The following RBMS3 variants were observed in gnomAD, a reference collection of about 807,000 sequenced individuals.
RBMS3 encodes the protein RNA binding motif single stranded interacting protein 3, also known as RNA-binding motif, single-stranded-interacting protein 3.
Under a neutral mutation model 66.8 loss-of-function variants are expected in RBMS3, and 27 were observed. The observed-to-expected ratio is 0.40, with a 90% CI of 0.30 to 0.56. The LOEUF (loss-of-function observed/expected upper bound fraction) is 0.56. Ranked by LOEUF, RBMS3 falls within the 20% of genes least tolerant of loss-of-function variation. The pLI is 0.40. For missense variants in RBMS3, 513 were observed against 549.5 expected, an observed-to-expected ratio of 0.93 and a Z score of 0.66; for synonymous variants, 188 against 183.0, an observed-to-expected ratio of 1.03 and a Z score of -0.22.
Position 30,002,423 on chromosome 3 carries a change from C to A in RBMS3, c.1308-1433C>A, listed in dbSNP as rs546462053. Among the ~76,000 whole-genome samples, 3 of 151,632 alleles carry A rather than the reference C, an allele frequency of 2.0e-5. No individual in the cohort carries two copies. In the South Asian group the frequency reaches 6.2e-4, roughly 31 times the overall value. ...CACACATACACACACAACTATATAA[C>A]CAAGAAAAAAAATTGTTCCCTTAGT... On this transcript the variant is annotated intron_variant, in intron 14 of 14. Coordinates refer to ENST00000383767, the MANE Select transcript of RBMS3 (RefSeq NM_001003793.3).
chr3:29,301,983 C>G (rs981910636), intron 1 of RBMS3, among the ~76,000 whole-genome samples: 2 of 151,928 alleles, frequency 1.3e-5, no homozygotes, highest in Non-Finnish European at 2.9e-5. Flanking sequence ...ACATATCCAT[C>G]TCTATCACCA....
At chr3:29,830,152 T>G (rs1356564347) in intron 6 of RBMS3, among the ~76,000 whole-genome samples, 5 of 152,238 alleles carry the variant, frequency 3.3e-5, no homozygotes, top group East Asian at 1.9e-4. Flanking sequence ...CTTTTTTTTT[T>G]GTCCACTTGT....
At chr3:29,974,230 C>T (rs950473700) in intron 12 of RBMS3, among the ~76,000 whole-genome samples, 3 of 151,834 alleles carry the variant, frequency 2.0e-5, no homozygotes, top group Non-Finnish European at 4.4e-5. Context: ...CATTTTATAC[C>T]TTCTTTCTCA....
At chr3:29,616,875 A>G (rs1324038814) in intron 4 of RBMS3, 1 of 152,208 alleles carries the variant, frequency 6.6e-6, no homozygotes, top group Non-Finnish European at 1.5e-5. Context: ...TAGTAAAGCC[A>G]AAAAACCTGG....
At chr3:29,656,929 C>T (rs1576452767) in intron 4 of RBMS3, among the ~76,000 whole-genome samples, 1 of 152,296 alleles carries the variant, frequency 6.6e-6, no homozygotes, top group East Asian at 1.9e-4. Context: ...TATAATGATT[C>T]AGGAAACCAA....
intron 3 of RBMS3, among the ~76,000 whole-genome samples, chr3:29,570,746 T>A (rs1424894373): frequency 6.6e-6 from 1 of 152,304 alleles, no homozygotes; most frequent in East Asian, 1.9e-4. Flanking sequence ...CTGAGGTTGC[T>A]TCCAAATCTT....
intron 3 of RBMS3, among the ~76,000 whole-genome samples, chr3:29,569,697 G>C (rs1044230781): frequency 6.6e-6 from 1 of 152,084 alleles, no homozygotes; most frequent in African/African-American, 2.4e-5. Flanking sequence ...ATGCATGAAA[G>C]TCTTTTTTTA....
intron 1 of RBMS3, among the ~76,000 whole-genome samples, chr3:29,388,358 T>C (rs1182643109): frequency 1.3e-5 from 2 of 152,196 alleles, no homozygotes; most frequent in Admixed American, 1.3e-4. Flanking sequence ...GTCCGTGATA[T>C]ATAGATGCAC....
At chr3:29,781,941 A>G (rs1223184418) in intron 6 of RBMS3, among the ~76,000 whole-genome samples, 4 of 151,918 alleles carry the variant, frequency 2.6e-5, no homozygotes, top group African/African-American at 4.8e-5. Context: ...ACTCCATAAG[A>G]TTGGGAGCCA....
intron 4 of RBMS3, among the ~76,000 whole-genome samples, chr3:29,664,699 A>AT (rs200362939): frequency 0.036 from 5,400 of 151,464 alleles, 207 homozygotes; most frequent in African/African-American, 0.092. Context: ...AAAGTACTTT[A>AT]TTTTTTTTAG....
intron 7 of RBMS3, among the ~76,000 whole-genome samples, chr3:29,872,971 G>T (rs2059527940): frequency 6.6e-6 from 1 of 152,112 alleles, no homozygotes; most frequent in African/African-American, 2.4e-5. Flanking sequence ...TTTTGTAGCA[G>T]CACCATGCTC....
At chr3:29,438,955 G>A (rs75858131) in intron 2 of RBMS3, among the ~76,000 whole-genome samples, 3,235 of 152,262 alleles carry the variant, frequency 0.021, 58 homozygotes, top group Admixed American at 0.047. Context: ...TAGTTAGGGC[G>A]ATTAGCAAAG....
intron 10 of RBMS3, 105 bp downstream of exon 10, chr3:29,899,860 C>G: frequency 9.1e-7 from 1 of 1,094,552 alleles, no homozygotes; most frequent in South Asian, 1.5e-5. Flanking sequence ...ATATGTAACT[C>G]GTTCAGGCAG....
intron 2 of RBMS3, among the ~76,000 whole-genome samples, chr3:29,475,356 C>G (rs549163187): frequency 6.6e-6 from 1 of 151,498 alleles, no homozygotes; most frequent in Non-Finnish European, 1.5e-5. Context: ...TCAAGCAATT[C>G]TCCTGCTTCA....
At chr3:29,880,175 A>G (rs1406006680) in intron 7 of RBMS3, among the ~76,000 whole-genome samples, 1 of 152,188 alleles carries the variant, frequency 6.6e-6, no homozygotes, top group Non-Finnish European at 1.5e-5. Context: ...AAAGTGTCCT[A>G]TTTTGGCTGA....
At chr3:29,946,329 C>A (rs1397883070) in intron 12 of RBMS3, among the ~76,000 whole-genome samples, 1 of 151,606 alleles carries the variant, frequency 6.6e-6, no homozygotes, top group Non-Finnish European at 1.5e-5. Flanking sequence ...TTGGACAAAA[C>A]AAATAACTCT....
At chr3:29,379,592 TACTC>T (rs1254063468) in intron 1 of RBMS3, among the ~76,000 whole-genome samples, 2 of 152,276 alleles carry the variant, frequency 1.3e-5, no homozygotes, top group African/African-American at 4.8e-5. Context: ...TCATGAGACT[TACTC>T]ACTATCATGA....
At chr3:29,596,455 T>G (rs2047945368) in intron 4 of RBMS3, among the ~76,000 whole-genome samples, 1 of 152,206 alleles carries the variant, frequency 6.6e-6, no homozygotes, top group Non-Finnish European at 1.5e-5. Flanking sequence ...AGGAGATTAT[T>G]TCTTGAACAT....
intron 4 of RBMS3, among the ~76,000 whole-genome samples, chr3:29,629,496 T>C (rs1341709246): frequency 6.6e-6 from 1 of 152,156 alleles, no homozygotes; most frequent in East Asian, 1.9e-4. Context: ...ATATGTAATG[T>C]TCTAAGTGGA....
Sources: gnomAD v4.1 joint callset for allele counts (sites outside exome capture counted in the v4.1 genomes callset) on GRCh38, gnomAD v4.1.1 for gene constraint, MANE v1.5 for transcripts, NCBI Gene and HGNC (gene_info 2026-07-23, HGNC 2026-07-21) for gene names.